The following KALRN variants were observed in gnomAD, a reference collection of about 807,000 sequenced individuals.
The protein encoded by KALRN is kalirin RhoGEF kinase.
A neutral mutation model predicts 353.7 loss-of-function variants in KALRN; 70 were observed. The observed-to-expected ratio is 0.20, with a 90% confidence interval of 0.16 to 0.24. The LOEUF (loss-of-function observed/expected upper bound fraction) is 0.24, where lower values mean the gene tolerates loss of function less well. Ranked by LOEUF, KALRN falls within the 10% of genes least tolerant of loss-of-function variation. The pLI, the probability that KALRN is intolerant of heterozygous loss-of-function variation, is 1.00. For synonymous variants in KALRN, 1,391 were observed against 1,434.8 expected, an observed-to-expected ratio of 0.97 and a Z score of 0.69; for missense variants, 2,791 against 3,756.7, an observed-to-expected ratio of 0.74 and a Z score of 6.72.
intron 33 of KALRN, among the ~76,000 whole-genome samples, chr3:124,512,233 G>A (rs902077862): frequency 2.6e-5 from 4 of 152,222 alleles, no homozygotes; most frequent in Non-Finnish European, 4.4e-5. Context: ...CTAGTAAGTC[G>A]GGTCCTCCAC....
chr3:124,237,378 T>C (rs2079911775), intron 3 of KALRN, among the ~76,000 whole-genome samples: 2 of 151,862 alleles, frequency 1.3e-5, no homozygotes, highest in South Asian at 4.2e-4. Context: ...TTTTTTTTTT[T>C]TTGAGACTGA....
intron 3 of KALRN, among the ~76,000 whole-genome samples, chr3:124,247,012 TTCTC>T (rs1421303863): frequency 6.6e-6 from 1 of 152,238 alleles, no homozygotes; most frequent in Non-Finnish European, 1.5e-5. Flanking sequence ...TGTTTTCTAT[TTCTC>T]TCTTTACTTA....
rs10673161 is a variant in KALRN at position 124,646,391 on chromosome 3, C to CTTTTTTTTTTTTTTTTTT, written c.5665-4400_5665-4399insTTTTTTTTTTTTTTTTTT. On this transcript the variant is annotated intron_variant, in intron 37 of 59. Transcript: ENST00000682506. ...GACTGCTAGAGGGATCTTTTGTTTA[C>CTTTTTTTTTTTTTTTTTT]TTTTTTTTTTTTTTTTTGAGACAGA... Among the ~76,000 whole-genome samples, 785 of 110,232 alleles carry CTTTTTTTTTTTTTTTTTT rather than the reference C, an allele frequency of 7.1e-3. 76 individuals are homozygous for CTTTTTTTTTTTTTTTTTT. Among genetic ancestry groups the CTTTTTTTTTTTTTTTTTT allele is most frequent in the East Asian group, 0.06 (168 of 2,810 alleles). 72.3% of individuals were successfully genotyped at this position (110,232 alleles called of 152,430 possible). A position where few individuals can be genotyped will look rare whatever the true frequency, so the allele number is the denominator to read the frequency against.
At chr3:124,483,406 G>C (rs1411398476) in intron 28 of KALRN, among the ~76,000 whole-genome samples, 1 of 152,132 alleles carries the variant, frequency 6.6e-6, no homozygotes, top group African/African-American at 2.4e-5. Context: ...CAAAAAATTA[G>C]CCAGGCATGG....
intron 1 of KALRN, among the ~76,000 whole-genome samples, chr3:124,154,906 A>G (rs2068744829): frequency 6.6e-6 from 1 of 152,214 alleles, no homozygotes; most frequent in Admixed American, 6.5e-5. Context: ...CTGGTACCAA[A>G]ACAGAGATAT....
At chr3:124,246,640 G>A (rs1196859321) in intron 3 of KALRN, among the ~76,000 whole-genome samples, 3 of 152,186 alleles carry the variant, frequency 2.0e-5, no homozygotes, top group African/African-American at 7.2e-5. Context: ...AATGTTGAAT[G>A]AGCCTGGAAA....
At position 124,413,588 on chromosome 3, in the gene KALRN, C is replaced by A. The variant is rs770088606; in HGVS notation, c.2465C>A (p.Ala822Asp). Reference sequence around the variant, plus strand: ...CAGCGCCACACAGAACGGAAGCTAGCCATGAACAACATGACCTTTGAGGTT... The same window carrying A: ...CAGCGCCACACAGAACGGAAGCTAGACATGAACAACATGACCTTTGAGGTT... ...RLQRHTERKL[A>D]MNNMTFEVIQ... Residue 822 changes from alanine (A) to aspartate (D), a missense_variant, in exon 14 of 60, where the codon GCC (alanine) becomes GAC (aspartate). By Grantham distance (126) the Ala-to-Asp change is moderately radical (BLOSUM62 -2). Coordinates refer to ENST00000682506, the MANE Select transcript of KALRN (RefSeq NM_001388419.1). 1.9e-6 allele frequency: 3 copies of A among 1,613,982 alleles called. No individual in the cohort carries two copies. In the African/African-American group the frequency reaches 4.0e-5, roughly 22 times the overall value.
chr3:124,432,277 G>A (rs2093307811), intron 16 of KALRN, among the ~76,000 whole-genome samples: 1 of 152,132 alleles, frequency 6.6e-6, no homozygotes, highest in Non-Finnish European at 1.5e-5. Context: ...AGCCAGGCAT[G>A]GTGGTGGGTA....
chr3:124,672,391 G>A (rs920809570), intron 48 of KALRN, among the ~76,000 whole-genome samples: 2 of 152,200 alleles, frequency 1.3e-5, no homozygotes, highest in African/African-American at 4.8e-5. Flanking sequence ...CATAAAAATG[G>A]ATGATTTTTG....
intron 1 of KALRN, among the ~76,000 whole-genome samples, chr3:124,125,402 T>C (rs868778817): frequency 2.0e-5 from 3 of 152,302 alleles, no homozygotes; most frequent in Middle Eastern, 3.4e-3. Flanking sequence ...AAGATACTGA[T>C]TATCATGATG....
chr3:124,375,499 C>T (rs968750244), intron 10 of KALRN, among the ~76,000 whole-genome samples: 6 of 152,148 alleles, frequency 3.9e-5, no homozygotes, highest in Non-Finnish European at 8.8e-5. Context: ...CCTTGGTGGG[C>T]TAGGTGGGGA....
At chr3:124,706,306 A>G (rs2062611155) in intron 57 of KALRN, among the ~76,000 whole-genome samples, 2 of 152,216 alleles carry the variant, frequency 1.3e-5, no homozygotes, top group African/African-American at 2.4e-5. Context: ...AACAGGGACA[A>G]TATGAGAATG....
intron 1 of KALRN, among the ~76,000 whole-genome samples, chr3:124,118,581 C>T (rs1192930658): frequency 6.6e-6 from 1 of 152,168 alleles, no homozygotes; most frequent in Non-Finnish European, 1.5e-5. Context: ...TCTGGAGATT[C>T]CTAAGACTTC....
chr3:124,671,760 C>T lies in KALRN; in HGVS notation c.6804C>T (p.Ser2268=), dbSNP rs750940207. 3.1e-6 allele frequency: 5 copies of T among 1,614,160 alleles called. No homozygotes were observed. The highest frequency in any genetic ancestry group is 3.3e-5 in the Admixed American group (2 of 60,030). ...CCCAAGCCAGCCCCAGGCCCTACTC[C>T]TCTGTTCCTGCGGGCTCAGAGAAGC... ...RLPQASPRPY[S]SVPAGSEKPP... The change falls in exon 48 of 60, where the codon TCC becomes TCT. Residue 2268 remains serine, a synonymous_variant. Coordinates refer to ENST00000682506, the MANE Select transcript of KALRN (RefSeq NM_001388419.1).
At chr3:124,207,647 T>C (rs187924651) in intron 1 of KALRN, among the ~76,000 whole-genome samples, 2 of 152,342 alleles carry the variant, frequency 1.3e-5, no homozygotes, top group East Asian at 3.9e-4. Context: ...TATCCTTTCC[T>C]AGCTCTATGA....
intron 5 of KALRN, among the ~76,000 whole-genome samples, chr3:124,288,942 A>G (rs2076186955): frequency 6.6e-6 from 1 of 152,190 alleles, no homozygotes; most frequent in Non-Finnish European, 1.5e-5. Flanking sequence ...GAGTCCATAG[A>G]TACTGTCTTA....
intron 3 of KALRN, among the ~76,000 whole-genome samples, chr3:124,255,199 C>T (rs532648329): frequency 6.6e-6 from 1 of 152,336 alleles, no homozygotes; most frequent in East Asian, 1.9e-4. Context: ...CCGCCTCAGC[C>T]TCACCAAGTG....
chr3:124,661,763 A>T, intron 44 of KALRN, 88 bp from the exon 45 acceptor site: 2 of 979,516 alleles, frequency 2.0e-6, no homozygotes, highest in Admixed American at 1.7e-5. Context: ...ACCAGAGATG[A>T]AGTCCCTGTT....
chr3:124,188,161 C>T (rs749830262), intron 1 of KALRN, among the ~76,000 whole-genome samples: 99 of 152,248 alleles, frequency 6.5e-4, no homozygotes, highest in South Asian at 2.1e-4. Flanking sequence ...CAAACTTAAA[C>T]GTACGCAAGA....
Sources: allele counts gnomAD v4.1 joint callset (sites outside exome capture counted in the v4.1 genomes callset), GRCh38; gene constraint gnomAD v4.1.1; transcripts MANE v1.5; gene names NCBI Gene and HGNC (gene_info 2026-07-23, HGNC 2026-07-21).